The following MAPKAPK5 variants were observed in gnomAD, a reference collection of about 807,000 sequenced individuals.
MAPKAPK5 encodes the protein MAP kinase-activated protein kinase 5.
A neutral mutation model predicts 65.1 loss-of-function variants in MAPKAPK5; 30 were observed. The observed-to-expected ratio is 0.46, with a 90% confidence interval of 0.34 to 0.63. The LOEUF is 0.63. Among genes scored for constraint, MAPKAPK5 ranks in the 20% least tolerant of loss-of-function variants. The pLI, the probability that MAPKAPK5 is intolerant of heterozygous loss-of-function variation, is 0.01. For missense variants in MAPKAPK5, 433 were observed against 581.4 expected, an observed-to-expected ratio of 0.74 and a Z score of 2.63; for synonymous variants, 179 against 204.6, an observed-to-expected ratio of 0.87 and a Z score of 1.07.
At chr12:111,847,384 G>C (rs1256170369) in intron 1 of MAPKAPK5, among the ~76,000 whole-genome samples, 2 of 151,428 alleles carry the variant, frequency 1.3e-5, no homozygotes, top group Non-Finnish European at 2.9e-5. Context: ...TCAAATGGCT[G>C]TAAGTGGAGG....
In MAPKAPK5 at chr12:111,884,454, G is replaced by A. The variant is rs567889845; in HGVS notation, c.848+686G>A. Among the ~76,000 whole-genome samples the A allele has an allele frequency of 3.3e-5, 5 of 152,288 alleles. No individual in the cohort carries two copies. In the East Asian group the frequency reaches 9.7e-4, roughly 30 times the overall value. On this transcript the variant is annotated intron_variant, in intron 9 of 13. Transcript: ENST00000550735. The stretch of plus-strand genomic sequence containing the variant: ...TCAAACTACTGATCTCAAGCGATCT[G>A]CCCGCCTCGGCCTTCCCAAGTGCTG...
In MAPKAPK5 at chr12:111,901,035, A is replaced by AAACTT; in HGVS notation, c.*7976_*7980dup. On this transcript the variant is annotated 3_prime_UTR_variant, in exon 14 of 14. Transcript: ENST00000550735. ...TTCAGATGGTAATATATTTTGTGGG[A>AAACTT]AACTTATATGTTCAGGTATTACAGG... The AAACTT allele has an allele frequency of 2.2e-6, 1 of 456,066 alleles. No homozygotes were observed. Among genetic ancestry groups the AAACTT allele is most frequent in the South Asian group, 1.5e-5 (1 of 64,562 alleles). 28.3% of individuals were successfully genotyped at this position (456,066 alleles called of 1,614,324 possible). A position where few individuals can be genotyped will look rare whatever the true frequency, so the allele number is the denominator to read the frequency against.
intron 12 of MAPKAPK5, 73 bp from the exon 13 acceptor site, chr12:111,889,967 C>T (rs757180651): frequency 1.0e-5 from 9 of 896,518 alleles, no homozygotes; most frequent in African/African-American, 1.7e-5. Context: ...GACATCACGT[C>T]CCTCCATCTC....
At chr12:111,885,643 A>C in intron 9 of MAPKAPK5, 1 of 375,830 alleles carries the variant, frequency 2.7e-6, no homozygotes, top group Non-Finnish European at 4.8e-6. Context: ...ATGTAGGATT[A>C]CCTTATTAAA....
intron 9 of MAPKAPK5, among the ~76,000 whole-genome samples, chr12:111,884,717 G>T (rs921083545): frequency 2.6e-5 from 4 of 152,206 alleles, no homozygotes; most frequent in African/African-American, 9.6e-5. Context: ...TCCCACTGCT[G>T]GGTCTTCACT....
chr12:111,858,207 G>C (rs1177664882), intron 1 of MAPKAPK5, among the ~76,000 whole-genome samples: 1 of 151,870 alleles, frequency 6.6e-6, no homozygotes, highest in South Asian at 2.1e-4. Context: ...ACCTGGTCTT[G>C]TCTTTCAGTG....
At position 111,870,313 on chromosome 12, in the gene MAPKAPK5, C is replaced by T; in HGVS notation, c.436C>T (p.His146Tyr). 6.2e-7 allele frequency: 1 copy of T among 1,610,788 alleles called. No homozygotes were observed. Among genetic ancestry groups the T allele is most frequent in the Non-Finnish European group, 8.5e-7 (1 of 1,177,290 alleles). ...GCACTGTCACTTGTTAAACATTGCG[C>T]ACAGAGACCTCAAGCCTGAAAATCT... ...LRHCHLLNIA[H>Y]RDLKPENLLF... is the part of the protein sequence containing the mutation. The change falls in exon 6 of 14, where the codon CAC becomes TAC. Residue 146 changes from histidine to tyrosine, a missense_variant. Physicochemically the swap from His to Tyr is moderately conservative, Grantham distance 83 (BLOSUM62 2). This residue lies in a region of MAPKAPK5 where 99 missense variants were observed against 185.8 expected (regional missense o/e 0.53). Transcript: ENST00000550735.
In MAPKAPK5 at chr12:111,901,191, G is replaced by T. The variant is rs1207415768; in HGVS notation, c.*8130G>T. On this transcript the variant is annotated 3_prime_UTR_variant, in exon 14 of 14. Transcript: ENST00000550735. ...AGATGTGCACAATGGCACTTACTGT[G>T]CACCAAACAAAGTCTGCCTGAATTC... 2 of 453,670 alleles carry T rather than the reference G, an allele frequency of 4.4e-6. No individual in the cohort carries two copies. Among genetic ancestry groups the T allele is most frequent in the Non-Finnish European group, 8.8e-6 (2 of 226,142 alleles). The allele number at this position is 453,670 out of a possible 1,614,324, so 28.1% of individuals were successfully genotyped here.
intron 7 of MAPKAPK5, among the ~76,000 whole-genome samples, chr12:111,877,958 C>T (rs539273285): frequency 6.6e-6 from 1 of 151,642 alleles, no homozygotes; most frequent in South Asian, 2.1e-4. Context: ...TCCTAACTTG[C>T]TGGGATTACA....
chr12:111,894,326 C>G lies in MAPKAPK5; in HGVS notation c.*1265C>G, dbSNP rs2070723929. On this transcript the variant is annotated 3_prime_UTR_variant, in exon 14 of 14. Transcript: ENST00000550735. ...GGATTACAGGCATGAGCCACCAAGC[C>G]TGGCCTATTCTTTATATGTTTAACC... 1 of 152,418 alleles carries G rather than the reference C, an allele frequency of 6.6e-6. No individual in the cohort carries two copies. Among genetic ancestry groups the G allele is most frequent in the Non-Finnish European group, 1.5e-5 (1 of 68,196 alleles). 9.4% of individuals were successfully genotyped at this position (152,418 alleles called of 1,614,324 possible). A position where few individuals can be genotyped will look rare whatever the true frequency, so the allele number is the denominator to read the frequency against.
At chr12:111,874,897 C>T (rs1378296843) in intron 7 of MAPKAPK5, among the ~76,000 whole-genome samples, 1 of 150,216 alleles carries the variant, frequency 6.7e-6, no homozygotes, top group African/African-American at 2.5e-5. Flanking sequence ...TCCTCAGCCT[C>T]CCGAGTAGCT....
chr12:111,883,888 C>A lies in MAPKAPK5; in HGVS notation c.848+120C>A. On this transcript the variant is annotated intron_variant, in intron 9 of 13. Coordinates refer to ENST00000550735, the MANE Select transcript of MAPKAPK5 (RefSeq NM_003668.4). The surrounding 1 kb of genome is among the most constrained non-coding windows in gnomAD (Gnocchi z 4.8). ...GGCAGGCTCCTCCCCGTTTTAATAT[C>A]ACAGAAATCTCTCTGGAGCCTGAGG... 2 of 991,370 alleles carry A rather than the reference C, an allele frequency of 2.0e-6. No individual in the cohort carries two copies. The highest frequency in any genetic ancestry group is 2.9e-6 in the Non-Finnish European group (2 of 688,050). 61.4% of individuals were successfully genotyped at this position (991,370 alleles called of 1,614,324 possible).
At position 111,899,238 on chromosome 12, in the gene MAPKAPK5, A is replaced by G. The variant is rs1420254321; in HGVS notation, c.*6177A>G. The G allele has an allele frequency of 1.3e-5, 2 of 152,682 alleles. No homozygotes were observed. The highest frequency in any genetic ancestry group is 2.9e-5 in the Non-Finnish European group (2 of 68,428). 9.5% of individuals were successfully genotyped at this position (152,682 alleles called of 1,614,324 possible). ...GCTCTGCTGATGGACATAGGCCCAGAATCATTAACTGATTTATTTGGGCCA... is the reference window on the plus strand; with the variant it reads ...GCTCTGCTGATGGACATAGGCCCAGGATCATTAACTGATTTATTTGGGCCA... On this transcript the variant is annotated 3_prime_UTR_variant, in exon 14 of 14. Transcript: ENST00000550735.
intron 10 of MAPKAPK5, among the ~76,000 whole-genome samples, chr12:111,886,554 G>A (rs954432902): frequency 3.9e-5 from 6 of 152,214 alleles, no homozygotes; most frequent in Admixed American, 3.3e-4. Flanking sequence ...TCTCATGTTC[G>A]GACATGCGCT....
chr12:111,886,149 C>A, intron 10 of MAPKAPK5, 113 bp downstream of exon 10: 4 of 1,431,228 alleles, frequency 2.8e-6, no homozygotes, highest in South Asian at 1.3e-5. Context: ...CGATCCTTCC[C>A]AGAGAAACAT....
chr12:111,842,698 C>T lies in MAPKAPK5; in HGVS notation c.-36C>T, dbSNP rs1173542809. ...GCGCGGGGACAGGGCTGCTGAGCAGCCTCCGCCTCTCCCGGCTGTGGGGGC... is the reference window on the plus strand; with the variant it reads ...GCGCGGGGACAGGGCTGCTGAGCAGTCTCCGCCTCTCCCGGCTGTGGGGGC... On this transcript the variant is annotated 5_prime_UTR_variant, in exon 1 of 14. Transcript: ENST00000550735. 2.2e-6 allele frequency: 3 copies of T among 1,363,316 alleles called. No homozygotes were observed. Among genetic ancestry groups the T allele is most frequent in the East Asian group, 2.8e-5 (1 of 35,568 alleles). The allele number at this position is 1,363,316 out of a possible 1,614,324, so 84.5% of individuals were successfully genotyped here. A position where few individuals can be genotyped will look rare whatever the true frequency, so the allele number is the denominator to read the frequency against.
At chr12:111,856,357 T>C (rs2069239821) in intron 1 of MAPKAPK5, among the ~76,000 whole-genome samples, 1 of 151,870 alleles carries the variant, frequency 6.6e-6, no homozygotes, top group African/African-American at 2.4e-5. Flanking sequence ...CAGTAAAATA[T>C]AGAAAATGCT....
intron 1 of MAPKAPK5, chr12:111,843,071 A>T (rs1023611236): frequency 7.5e-6 from 3 of 398,540 alleles, no homozygotes; most frequent in African/African-American, 6.2e-5. Flanking sequence ...GAGCCCTACT[A>T]CTACTACTAC....
intron 12 of MAPKAPK5, chr12:111,889,283 G>A (rs1233688120): frequency 3.0e-6 from 1 of 334,690 alleles, no homozygotes; most frequent in African/African-American, 2.1e-5. Flanking sequence ...ATGCAATTTT[G>A]TGTTTTCTTA....
Sources: allele counts gnomAD v4.1 joint callset (sites outside exome capture counted in the v4.1 genomes callset), GRCh38; gene constraint gnomAD v4.1.1; regional missense constraint gnomAD v4.1.1; non-coding constraint Gnocchi (gnomAD v3.1); transcripts MANE v1.5; gene names NCBI Gene and HGNC (gene_info 2026-07-23, HGNC 2026-07-21).